Variants in ZC3HAV1 observed in about 807,000 individuals in gnomAD.
ZC3HAV1 encodes the protein zinc finger CCCH-type containing, antiviral 1.
In ZC3HAV1, 41 loss-of-function variants were observed where a neutral mutation model predicts 86.6. The observed-to-expected ratio is 0.47, with a 90% CI of 0.37 to 0.61. The LOEUF is 0.61. Among genes scored for constraint, ZC3HAV1 ranks in the 20% least tolerant of loss-of-function variants. ZC3HAV1 has a pLI of 0.00. For synonymous variants in ZC3HAV1, 421 were observed against 432.1 expected, an observed-to-expected ratio of 0.97 and a Z score of 0.32; for missense variants, 964 against 1,141.1, an observed-to-expected ratio of 0.84 and a Z score of 2.24.
chr7:139,095,231 ATTATT>A (rs1290105537), intron 1 of ZC3HAV1, among the ~76,000 whole-genome samples: 1 of 152,176 alleles, frequency 6.6e-6, no homozygotes, highest in African/African-American at 2.4e-5. Flanking sequence ...CTAACGCGAT[ATTATT>A]TTAAAGCCAC....
chr7:139,072,920 CT>C (rs1235409624), intron 7 of ZC3HAV1, among the ~76,000 whole-genome samples: 1 of 152,166 alleles, frequency 6.6e-6, no homozygotes, highest in Non-Finnish European at 1.5e-5. Context: ...ACATAGAAAG[CT>C]ATCTCAAGGT....
rs1029499123 is a variant in ZC3HAV1, at chr7:139,084,089, A to G, written c.445-57T>C. 2.5e-5 allele frequency: 40 copies of G among 1,586,784 alleles called. No homozygotes were observed. In the Middle Eastern group the frequency reaches 6.3e-4, roughly 25 times the overall value. On this transcript the variant is annotated intron_variant, in intron 2 of 12. Transcript: ENST00000242351. The stretch of plus-strand genomic sequence containing the variant: ...AAACACCTTCTTGTATTTGCCAAAC[A>G]TTCATTAAGGCAAGCTCACGTGTGC...
intron 2 of ZC3HAV1, among the ~76,000 whole-genome samples, chr7:139,086,225 G>A (rs550034031): frequency 1.3e-4 from 20 of 152,168 alleles, no homozygotes; most frequent in African/African-American, 4.6e-4. Context: ...CAGCATTCTT[G>A]AACAAAAACT....
At position 139,109,173 on chromosome 7, in the gene ZC3HAV1, C is replaced by T; in HGVS notation, c.159G>A (p.Glu53=). 1 of 1,602,464 alleles carries T rather than the reference C, an allele frequency of 6.2e-7. No individual in the cohort carries two copies. The highest frequency in any genetic ancestry group is 8.5e-7 in the Non-Finnish European group (1 of 1,174,768). Reference sequence around the variant, plus strand: ...GGGTGATCCCGGCCTCGCCGCCGGTCTCCAACACCACAAAGCGGTCGGGCC... The same window carrying T: ...GGGTGATCCCGGCCTCGCCGCCGGTTTCCAACACCACAAAGCGGTCGGGCC... The part of the protein sequence containing the change: ...VAGPDRFVVL[E]TGGEAGITRS... The change falls in exon 1 of 13, where the codon GAG becomes GAA. Residue 53 remains glutamate (E), a synonymous_variant. Coordinates refer to ENST00000242351, the MANE Select transcript of ZC3HAV1 (RefSeq NM_020119.4).
intron 7 of ZC3HAV1, among the ~76,000 whole-genome samples, chr7:139,073,529 C>T (rs1226890930): frequency 6.6e-6 from 1 of 152,026 alleles, no homozygotes; most frequent in East Asian, 1.9e-4. Context: ...CTCAATCCAT[C>T]CCCCAGGCTG....
intron 3 of ZC3HAV1, among the ~76,000 whole-genome samples, chr7:139,080,887 C>T (rs1007794593): frequency 3.3e-5 from 5 of 151,466 alleles, no homozygotes; most frequent in African/African-American, 4.8e-5. Context: ...TTGACAGATT[C>T]ACAATGCTCA....
At chr7:139,061,275 T>A in intron 8 of ZC3HAV1, 137 bp from the exon 9 acceptor site, 1 of 800,740 alleles carries the variant, frequency 1.2e-6, no homozygotes, top group Non-Finnish European at 1.9e-6. Flanking sequence ...AGAAAATCCT[T>A]TGGGATGAGA....
chr7:139,055,471 A>G (rs1166132279), intron 9 of ZC3HAV1, among the ~76,000 whole-genome samples, 176 bp from the exon 10 acceptor site: 1 of 152,236 alleles, frequency 6.6e-6, no homozygotes, highest in Non-Finnish European at 1.5e-5. Flanking sequence ...ACCAGTAATC[A>G]TGTCTTTTAA....
intron 1 of ZC3HAV1, 24 bp from the exon 2 acceptor site, chr7:139,089,783 C>A: frequency 1.9e-6 from 3 of 1,600,828 alleles, no homozygotes; most frequent in South Asian, 2.3e-5. Flanking sequence ...CGACAATGGT[C>A]AGTATTTCTA....
chr7:139,087,037 T>C (rs1817290047), intron 2 of ZC3HAV1, among the ~76,000 whole-genome samples: 1 of 152,216 alleles, frequency 6.6e-6, no homozygotes, highest in African/African-American at 2.4e-5. Flanking sequence ...TGTGGCCCGA[T>C]GTTAAAAGTA....
At chr7:139,084,758 T>C (rs1278734786) in intron 2 of ZC3HAV1, among the ~76,000 whole-genome samples, 2 of 152,220 alleles carry the variant, frequency 1.3e-5, no homozygotes, top group Non-Finnish European at 2.9e-5. Flanking sequence ...AATAGCAAAA[T>C]TTGTAAATGC....
rs188614462 is a variant in ZC3HAV1, at chr7:139,091,058, C to T, written c.309-1299G>A. Among the ~76,000 whole-genome samples the T allele has an allele frequency of 2.2e-3, 337 of 152,238 alleles. 7 individuals are homozygous for T. The highest frequency in any genetic ancestry group is 0.019 in the Admixed American group (290 of 15,292). On this transcript the variant is annotated intron_variant, in intron 1 of 12. Coordinates refer to ENST00000242351, the MANE Select transcript of ZC3HAV1 (RefSeq NM_020119.4). ...GCTTCCTGGCACTCCTTGATAAGGT[C>T]GACCTCAGCTTTTTGGTCCTGCACT...
Position 139,109,028 on chromosome 7 carries a change from C to T in ZC3HAV1, c.304G>A (p.Glu102Lys). ...LLGRCNYSQS[E>K]RNLCKYSHEV... ...CCTCCCTCCGGGTGCACTCACCGCT[C>T]GGACTGCGAATAGTTGCACCGGCCC... Residue 102 changes from glutamate (E) to lysine (K), a missense_variant, in exon 1 of 13, where the codon GAG becomes AAG. Glu to Lys is a moderately conservative substitution (Grantham distance 56, BLOSUM62 1). Coordinates refer to ENST00000242351, the MANE Select transcript of ZC3HAV1 (RefSeq NM_020119.4). 6.4e-7 allele frequency: 1 copy of T among 1,559,572 alleles called. No individual in the cohort carries two copies. Among genetic ancestry groups the T allele is most frequent in the Non-Finnish European group, 8.7e-7 (1 of 1,147,300 alleles).
At position 139,045,440 on chromosome 7, in the gene ZC3HAV1, T is replaced by G. The variant is rs745868808; in HGVS notation, c.*2154A>C. 2.0e-5 allele frequency: 3 copies of G among 152,136 alleles called. No individual in the cohort carries two copies. The highest frequency in any genetic ancestry group is 4.4e-5 in the Non-Finnish European group (3 of 68,032). 9.4% of individuals were successfully genotyped at this position (152,136 alleles called of 1,614,324 possible). A position where few individuals can be genotyped will look rare whatever the true frequency, so the allele number is the denominator to read the frequency against. On this transcript the variant is annotated 3_prime_UTR_variant, in exon 13 of 13. Transcript: ENST00000242351. ...TTGAATGTGCATTACTAAGTAAATT[T>G]TAAAAAATATAACCTTCTTGCTCTG...
chr7:139,060,913 T>C (rs765799862), intron 9 of ZC3HAV1, 123 bp downstream of exon 9: 1 of 1,590,920 alleles, frequency 6.3e-7, no homozygotes, highest in Non-Finnish European at 8.5e-7. Context: ...AAATGGAAAC[T>C]GCAGAGTAAT....
Position 139,044,330 on chromosome 7 carries a change from C to G in ZC3HAV1, c.*3264G>C, listed in dbSNP as rs943767570. The G allele has an allele frequency of 7.2e-5, 11 of 152,136 alleles. No individual in the cohort carries two copies. Among genetic ancestry groups the G allele is most frequent in the African/African-American group, 2.4e-4 (10 of 41,400 alleles). The allele number at this position is 152,136 out of a possible 1,614,324, so 9.4% of individuals were successfully genotyped here. ...TTTACAGGAAGTAGCCTCTAATCGG[C>G]TCTTAAATCCAAACCTACTCATTAC... is the stretch of plus-strand genomic sequence containing the variant. On this transcript the variant is annotated 3_prime_UTR_variant, in exon 13 of 13. Coordinates refer to ENST00000242351, the MANE Select transcript of ZC3HAV1 (RefSeq NM_020119.4).
At chr7:139,083,133 G>A (rs533608668) in intron 3 of ZC3HAV1, among the ~76,000 whole-genome samples, 1 of 151,840 alleles carries the variant, frequency 6.6e-6, no homozygotes, top group East Asian at 1.9e-4. Context: ...AAAGCAATTG[G>A]GACAAAATGT....
At chr7:139,061,853 A>C (rs548011816) in intron 8 of ZC3HAV1, among the ~76,000 whole-genome samples, 3 of 152,378 alleles carry the variant, frequency 2.0e-5, no homozygotes, top group South Asian at 4.1e-4. Flanking sequence ...ACTATGGAAT[A>C]GCCTTACAAT....
intron 9 of ZC3HAV1, among the ~76,000 whole-genome samples, chr7:139,058,467 C>A (rs2130673088): frequency 1.4e-5 from 2 of 140,412 alleles, no homozygotes; most frequent in African/African-American, 2.6e-5. Flanking sequence ...AAAAAAACAC[C>A]AAAATATTTC....
Sources: gnomAD v4.1 joint callset for allele counts (sites outside exome capture counted in the v4.1 genomes callset) on GRCh38, gnomAD v4.1.1 for gene constraint, MANE v1.5 for transcripts, NCBI Gene and HGNC (gene_info 2026-07-23, HGNC 2026-07-21) for gene names.